Variants in TRAPPC12 observed in about 807,000 individuals in gnomAD.
TRAPPC12 encodes the protein trafficking protein particle complex subunit 12, also known as TPR repeat protein 15.
TRAPPC12 carries 61 observed loss-of-function variants against 69.2 expected under a neutral mutation model. That is an observed-to-expected ratio of 0.88 (90% CI 0.72 to 1.09). The LOEUF is 1.09. TRAPPC12 is among the 50% of genes least tolerant of loss of function. The pLI is 0.00. For synonymous variants in TRAPPC12, 469 were observed against 438.9 expected (o/e 1.07, Z -0.86); for missense variants, 1,101 against 1,016.4 (o/e 1.08, Z -1.13).
At chr2:3,404,350 A>C (rs1481785327) in intron 3 of TRAPPC12, among the ~76,000 whole-genome samples, 1 of 152,162 alleles carries the variant, frequency 6.6e-6, no homozygotes, top group Non-Finnish European at 1.5e-5. Context: ...TAAAGGAAAA[A>C]ATATAGAATC....
chr2:3,401,582 C>T, intron 2 of TRAPPC12, among the ~76,000 whole-genome samples, 195 bp from the exon 3 acceptor site: 1 of 152,212 alleles, frequency 6.6e-6, no homozygotes. Context: ...AAGAGCAATT[C>T]TAAAATTATG....
In TRAPPC12 at chr2:3,475,878, G is replaced by A. The variant is rs143586356; in HGVS notation, c.1777-1817G>A. On this transcript the variant is annotated intron_variant, in intron 9 of 11. Transcript: ENST00000324266. ...CGCGAGGGTCAGGCGAGCTGTGCTTGTAAGCGCTTGCCACGGCCGCCGGCA... is the reference window on the plus strand; with the variant it reads ...CGCGAGGGTCAGGCGAGCTGTGCTTATAAGCGCTTGCCACGGCCGCCGGCA... 7.4e-3 allele frequency among the ~76,000 whole-genome samples: 1,130 copies of A among 152,350 alleles called. 12 individuals are homozygous for A. Among genetic ancestry groups the A allele is most frequent in the African/African-American group, 0.026 (1,091 of 41,584 alleles).
intron 3 of TRAPPC12, among the ~76,000 whole-genome samples, chr2:3,413,102 C>G (rs1662152405): frequency 6.6e-6 from 1 of 152,182 alleles, no homozygotes; most frequent in Non-Finnish European, 1.5e-5. Context: ...AACTTAAAAA[C>G]TATTATTTAC....
intron 6 of TRAPPC12, among the ~76,000 whole-genome samples, chr2:3,450,694 G>C (rs1664807657): frequency 6.6e-6 from 1 of 152,162 alleles, no homozygotes; most frequent in Non-Finnish European, 1.5e-5. Context: ...GGTGGGACTG[G>C]AAGGTCGCAG....
At chr2:3,438,449 C>A (rs1338617427) in intron 5 of TRAPPC12, among the ~76,000 whole-genome samples, 1 of 131,146 alleles carries the variant, frequency 7.6e-6, no homozygotes, top group Non-Finnish European at 1.6e-5. Flanking sequence ...TCTGGATTAA[C>A]CCCCATCACC....
intron 1 of TRAPPC12, among the ~76,000 whole-genome samples, chr2:3,386,029 T>C (rs1346749370): frequency 6.6e-6 from 1 of 152,214 alleles, no homozygotes; most frequent in African/African-American, 2.4e-5. Context: ...TTAACAATTA[T>C]TGGATGAATG....
intron 5 of TRAPPC12, among the ~76,000 whole-genome samples, chr2:3,429,292 G>A (rs745734447): frequency 6.6e-6 from 1 of 152,184 alleles, no homozygotes; most frequent in Non-Finnish European, 1.5e-5. Flanking sequence ...GTCTAGAATT[G>A]TCATGCAGCT....
At chr2:3,447,468 G>A (rs982264008) in intron 6 of TRAPPC12, among the ~76,000 whole-genome samples, 13 of 152,180 alleles carry the variant, frequency 8.5e-5, no homozygotes, top group South Asian at 2.1e-4. Flanking sequence ...GACAGCGAGA[G>A]AGAAGAGGAG....
intron 2 of TRAPPC12, among the ~76,000 whole-genome samples, chr2:3,392,530 T>C (rs1160857867): frequency 5.3e-5 from 8 of 152,248 alleles, no homozygotes; most frequent in Admixed American, 4.6e-4. Context: ...TGTCTTATGT[T>C]GTATTTCTCC....
At chr2:3,399,935 C>T (rs1407343939) in intron 2 of TRAPPC12, among the ~76,000 whole-genome samples, 1 of 152,084 alleles carries the variant, frequency 6.6e-6, no homozygotes, top group African/African-American at 2.4e-5. Flanking sequence ...CTGCGTGCTC[C>T]CAGTGGCCCG....
intron 3 of TRAPPC12, among the ~76,000 whole-genome samples, chr2:3,411,104 G>C (rs549207680): frequency 2.0e-5 from 3 of 152,202 alleles, no homozygotes; most frequent in African/African-American, 4.8e-5. Flanking sequence ...TGAACATCAG[G>C]AGATTCCATA....
At chr2:3,400,168 G>A (rs1018566059) in intron 2 of TRAPPC12, among the ~76,000 whole-genome samples, 4 of 152,168 alleles carry the variant, frequency 2.6e-5, no homozygotes, top group Non-Finnish European at 5.9e-5. Context: ...AGCTCCGGCT[G>A]CTTGCTGTCT....
At chr2:3,388,718 CTG>C (rs759155007) in intron 2 of TRAPPC12, 48 bp downstream of exon 2, 1 of 1,466,020 alleles carries the variant, frequency 6.8e-7, no homozygotes. Flanking sequence ...CTCTCTGCGT[CTG>C]TGAGATACGC....
rs1662243156 is a variant in TRAPPC12, at chr2:3,414,607, C to T, written c.1165-7274C>T. Reference sequence around the variant, plus strand: ...TGCTCTGCCGTGTGTCGGCCCGTTTCCTGAATCCTCAGGCATCAGTGCCTC... The same window carrying T: ...TGCTCTGCCGTGTGTCGGCCCGTTTTCTGAATCCTCAGGCATCAGTGCCTC... On this transcript the variant is annotated intron_variant, in intron 3 of 11. Transcript: ENST00000324266. The surrounding 1 kb of genome is among the most constrained non-coding windows in gnomAD (Gnocchi z 4.9). Among the ~76,000 whole-genome samples the T allele has an allele frequency of 1.4e-5, 2 of 147,414 alleles. No homozygotes were observed. Among genetic ancestry groups the T allele is most frequent in the Non-Finnish European group, 3.0e-5 (2 of 67,492 alleles).
At chr2:3,383,871 G>GTCTTT (rs1660353375) in intron 1 of TRAPPC12, among the ~76,000 whole-genome samples, 1 of 85,592 alleles carries the variant, frequency 1.2e-5, no homozygotes, top group Non-Finnish European at 2.3e-5. Flanking sequence ...GTTCAGTCTT[G>GTCTTT]TTTTTTTTTT....
intron 3 of TRAPPC12, among the ~76,000 whole-genome samples, chr2:3,412,212 G>A (rs553043671): frequency 6.6e-6 from 1 of 152,220 alleles, no homozygotes; most frequent in East Asian, 1.9e-4. Context: ...AGCTAAAGGA[G>A]AAATAGGAAT....
chr2:3,436,076 G>A (rs528309621), intron 5 of TRAPPC12, among the ~76,000 whole-genome samples: 1 of 152,160 alleles, frequency 6.6e-6, no homozygotes, highest in Non-Finnish European at 1.5e-5. Flanking sequence ...TGGAGGGCAG[G>A]CCCTGATGCA....
intron 1 of TRAPPC12, among the ~76,000 whole-genome samples, chr2:3,380,878 G>T (rs544249516): frequency 3.8e-4 from 58 of 152,280 alleles, no homozygotes; most frequent in Non-Finnish European, 6.0e-4. Flanking sequence ...TCTTTATTCT[G>T]ATGTACCATC....
At chr2:3,416,225 T>G (rs1010623785) in intron 3 of TRAPPC12, among the ~76,000 whole-genome samples, 8 of 152,104 alleles carry the variant, frequency 5.3e-5, no homozygotes, top group African/African-American at 1.9e-4. Flanking sequence ...GGTGCTTCTG[T>G]TAATATCAGT....
Sources: allele counts gnomAD v4.1 joint callset (sites outside exome capture counted in the v4.1 genomes callset), GRCh38; gene constraint gnomAD v4.1.1; non-coding constraint Gnocchi (gnomAD v3.1); transcripts MANE v1.5; gene names NCBI Gene and HGNC (gene_info 2026-07-23, HGNC 2026-07-21).